Variants in KIF21A observed in about 807,000 individuals in gnomAD.
KIF21A encodes kinesin family member 21A.
Under a neutral mutation model 202.9 loss-of-function variants are expected in KIF21A, and 114 were observed. The observed-to-expected ratio is 0.56, with a 90% confidence interval of 0.48 to 0.66. KIF21A has a LOEUF of 0.66. Ranked by LOEUF, KIF21A falls within the 30% of genes least tolerant of loss-of-function variation. The probability of loss-of-function intolerance (pLI) is 0.00; values close to 1 mark genes in which losing one functional copy is unlikely to be tolerated. For missense variants in KIF21A, 1,677 were observed against 1,994.9 expected (o/e 0.84, Z 3.04); for synonymous variants, 667 against 670.8 (o/e 0.99, Z 0.09).
At chr12:39,347,861 A>T (rs1470970342) in intron 11 of KIF21A, among the ~76,000 whole-genome samples, 1 of 152,040 alleles carries the variant, frequency 6.6e-6, no homozygotes, top group East Asian at 1.9e-4. Context: ...TTAAAGCTAG[A>T]TATCCAAAAA....
intron 22 of KIF21A, among the ~76,000 whole-genome samples, chr12:39,331,194 A>G (rs10876876): frequency 0.29 from 44,750 of 151,886 alleles, 8,332 homozygotes; most frequent in African/African-American, 0.53. Flanking sequence ...AACAGAAAGA[A>G]TCTAACAGTC....
chr12:39,435,996 C>T (rs958776966), intron 1 of KIF21A, among the ~76,000 whole-genome samples: 1 of 151,962 alleles, frequency 6.6e-6, no homozygotes, highest in Admixed American at 6.6e-5. Flanking sequence ...AAAATTTAGA[C>T]CTGGGTTTCT....
chr12:39,341,731 C>T (rs1487000462), intron 13 of KIF21A, 109 bp from the exon 14 acceptor site: 7 of 1,195,504 alleles, frequency 5.9e-6, no homozygotes, highest in Non-Finnish European at 8.3e-6. Flanking sequence ...AAAAAATTCA[C>T]TTGTCATCAG....
chr12:39,339,053 T>C (rs1334262222), intron 16 of KIF21A, among the ~76,000 whole-genome samples: 1 of 152,024 alleles, frequency 6.6e-6, no homozygotes, highest in Admixed American at 6.6e-5. Flanking sequence ...TCGAGGTTAG[T>C]GGATCAGCTG....
In KIF21A at chr12:39,347,064, AT is replaced by A. The variant is rs1306461385; in HGVS notation, c.1674-561del. 3.3e-5 allele frequency among the ~76,000 whole-genome samples: 5 copies of A among 152,018 alleles called. No individual in the cohort carries two copies. In the East Asian group the frequency reaches 5.8e-4, roughly 18 times the overall value. On this transcript the variant is annotated intron_variant, in intron 11 of 37. Coordinates refer to ENST00000361418, the MANE Select transcript of KIF21A (RefSeq NM_001173464.2). Reference sequence around the variant, plus strand: ...TATCAATAAATCTAAAAAAAATCTGATTTCAAAGTTATACATGAAATGGTAT... The same window carrying A: ...TATCAATAAATCTAAAAAAAATCTGATTCAAAGTTATACATGAAATGGTAT...
intron 37 of KIF21A, among the ~76,000 whole-genome samples, chr12:39,296,814 G>A (rs977610904): frequency 6.6e-6 from 1 of 152,182 alleles, no homozygotes; most frequent in African/African-American, 2.4e-5. Flanking sequence ...GATGTTCAGA[G>A]GGCAAGATCA....
intron 17 of KIF21A, 121 bp downstream of exon 17, chr12:39,336,975 T>A (rs1786431119): frequency 1.4e-6 from 1 of 696,232 alleles, no homozygotes; most frequent in Admixed American, 2.1e-5. Context: ...AGTGTATGCT[T>A]ATCTATTGTC....
intron 6 of KIF21A, among the ~76,000 whole-genome samples, chr12:39,366,144 T>C (rs1949588056): frequency 6.6e-6 from 1 of 152,176 alleles, no homozygotes; most frequent in Admixed American, 6.5e-5. Context: ...TTTATACACA[T>C]GAAGAAAATC....
At chr12:39,414,561 G>A (rs1953381885) in intron 1 of KIF21A, among the ~76,000 whole-genome samples, 1 of 152,200 alleles carries the variant, frequency 6.6e-6, no homozygotes, top group Admixed American at 6.5e-5. Context: ...CAATTAGGGA[G>A]TCCCAGAAGC....
chr12:39,406,167 A>G (rs573407836), intron 1 of KIF21A, among the ~76,000 whole-genome samples: 1 of 152,302 alleles, frequency 6.6e-6, no homozygotes, highest in South Asian at 2.1e-4. Flanking sequence ...TCCAAAAAAA[A>G]AAGCCAAACA....
At chr12:39,421,740 T>TATATATAC (rs1566303012) in intron 1 of KIF21A, among the ~76,000 whole-genome samples, 1 of 133,452 alleles carries the variant, frequency 7.5e-6, no homozygotes, top group East Asian at 2.2e-4. Context: ...TATATATATA[T>TATATATAC]ATACACATAC....
intron 1 of KIF21A, among the ~76,000 whole-genome samples, chr12:39,426,648 A>C (rs1028406506): frequency 1.3e-5 from 2 of 151,736 alleles, no homozygotes; most frequent in Non-Finnish European, 2.9e-5. Context: ...CGAGGTGGGC[A>C]GATCACTTGA....
chr12:39,366,937 A>T lies in KIF21A; in HGVS notation c.735+93T>A, dbSNP rs891782068. On this transcript the variant is annotated intron_variant, in intron 5 of 37. Coordinates refer to ENST00000361418, the MANE Select transcript of KIF21A (RefSeq NM_001173464.2). ...AATTAGAAAAAGGAATGACTAAATG[A>T]ACTGAATTTGGCTCAAATATATTCT... The T allele has an allele frequency of 7.5e-6, 9 of 1,204,886 alleles. No homozygotes were observed. In the African/African-American group the frequency reaches 1.2e-4, roughly 16 times the overall value. The allele number at this position is 1,204,886 out of a possible 1,614,324, so 74.6% of individuals were successfully genotyped here.
At chr12:39,311,109 T>C (rs370805093) in intron 32 of KIF21A, among the ~76,000 whole-genome samples, 46 of 152,138 alleles carry the variant, frequency 3.0e-4, no homozygotes, top group African/African-American at 1.0e-3. Context: ...CCATATTGTA[T>C]ATTTAAATAG....
chr12:39,352,404 C>T (rs1211347491), intron 10 of KIF21A, among the ~76,000 whole-genome samples: 1 of 152,020 alleles, frequency 6.6e-6, no homozygotes, highest in Non-Finnish European at 1.5e-5. Context: ...AAAGAATGCT[C>T]ACACACATTA....
chr12:39,378,424 T>A (rs1950400352), intron 1 of KIF21A, among the ~76,000 whole-genome samples: 1 of 152,232 alleles, frequency 6.6e-6, no homozygotes, highest in Non-Finnish European at 1.5e-5. Context: ...AAAAGTCCAA[T>A]CCTATGCATC....
intron 17 of KIF21A, 90 bp from the exon 18 acceptor site, chr12:39,333,370 G>T: frequency 1.1e-6 from 1 of 943,572 alleles, no homozygotes; most frequent in Non-Finnish European, 1.7e-6. Flanking sequence ...CATACCCCTG[G>T]GAACTATGAG....
rs1347381342 is a variant in KIF21A at position 39,387,050 on chromosome 12, T to A, written c.45-16789A>T. On this transcript the variant is annotated intron_variant, in intron 1 of 37. Coordinates refer to ENST00000361418, the MANE Select transcript of KIF21A (RefSeq NM_001173464.2). The stretch of plus-strand genomic sequence containing the variant: ...AAGTCCAACAATTTAAATCCAGAAT[T>A]TTTAGCTGGGGAAAAAAAAAAAACT... 7.2e-5 allele frequency among the ~76,000 whole-genome samples: 11 copies of A among 151,754 alleles called. No homozygotes were observed. In the East Asian group the frequency reaches 2.1e-3, roughly 29 times the overall value.
chr12:39,423,272 C>T (rs1160035024), intron 1 of KIF21A, among the ~76,000 whole-genome samples: 3 of 152,092 alleles, frequency 2.0e-5, no homozygotes, highest in Admixed American at 6.6e-5. Context: ...TTTTTTCTTG[C>T]TCCCTAATGT....
Sources: allele counts gnomAD v4.1 joint callset (sites outside exome capture counted in the v4.1 genomes callset), GRCh38; gene constraint gnomAD v4.1.1; transcripts MANE v1.5; gene names NCBI Gene and HGNC (gene_info 2026-07-23, HGNC 2026-07-21).